The following ALK variants were observed in gnomAD, a reference collection of about 807,000 sequenced individuals.
The protein encoded by ALK is ALK receptor tyrosine kinase.
Under a neutral mutation model 163.1 loss-of-function variants are expected in ALK, and 74 were observed. The ratio of observed to expected loss-of-function variants is 0.45; its 90% confidence interval spans 0.38 to 0.55. ALK has a LOEUF of 0.55. Among genes scored for constraint, ALK ranks in the 20% least tolerant of loss-of-function variants. The pLI, the probability that ALK is intolerant of heterozygous loss-of-function variation, is 0.00. For missense variants in ALK, 2,063 were observed against 2,105.3 expected, an observed-to-expected ratio of 0.98 and a Z score of 0.39; for synonymous variants, 960 against 843.2, an observed-to-expected ratio of 1.14 and a Z score of -2.40.
At chr2:29,229,707 G>A (rs963195923) in intron 15 of ALK, among the ~76,000 whole-genome samples, 1 of 152,154 alleles carries the variant, frequency 6.6e-6, no homozygotes, top group African/African-American at 2.4e-5. Context: ...GTGAGTGTAC[G>A]AAATGCTCCA....
chr2:29,480,484 G>A (rs947001664), intron 4 of ALK, among the ~76,000 whole-genome samples: 1 of 152,130 alleles, frequency 6.6e-6, no homozygotes, highest in African/African-American at 2.4e-5. Flanking sequence ...AATCTTTTCA[G>A]AGTTTGCTGA....
At chr2:29,202,281 G>A (rs992529632) in intron 26 of ALK, among the ~76,000 whole-genome samples, 2 of 151,948 alleles carry the variant, frequency 1.3e-5, no homozygotes, top group Admixed American at 6.6e-5. Context: ...GCTTCCCCCC[G>A]CCCACCTTTG....
intron 28 of ALK, among the ~76,000 whole-genome samples, chr2:29,195,035 T>G (rs1558604972): frequency 6.6e-6 from 1 of 152,210 alleles, no homozygotes; most frequent in Admixed American, 6.5e-5. Flanking sequence ...CCTCATTACC[T>G]GAGTAACAGA....
At position 29,780,141 on chromosome 2, in the gene ALK, T is replaced by C. The variant is rs116503062; in HGVS notation, c.668-62444A>G. Among the ~76,000 whole-genome samples, 446 of 152,350 alleles carry C rather than the reference T, an allele frequency of 2.9e-3. 4 individuals are homozygous for C. Among genetic ancestry groups the C allele is most frequent in the African/African-American group, 9.0e-3 (374 of 41,596 alleles). On this transcript the variant is annotated intron_variant, in intron 1 of 28. Coordinates refer to ENST00000389048, the MANE Select transcript of ALK (RefSeq NM_004304.5). ...CAATCGACCTGCAGTCAATAGTGTC[T>C]ACACACTGCATTCATCTTGAAAACA...
At chr2:29,402,815 C>T (rs897115436) in intron 4 of ALK, among the ~76,000 whole-genome samples, 4 of 152,150 alleles carry the variant, frequency 2.6e-5, no homozygotes, top group Non-Finnish European at 2.9e-5. Context: ...AGGGTTCTCT[C>T]GCCAAGCAGC....
At chr2:29,421,155 G>C (rs1670006550) in intron 4 of ALK, among the ~76,000 whole-genome samples, 1 of 151,504 alleles carries the variant, frequency 6.6e-6, no homozygotes, top group African/African-American at 2.4e-5. Flanking sequence ...ATCCTCTGCT[G>C]GTACTGGAAG....
intron 4 of ALK, among the ~76,000 whole-genome samples, chr2:29,507,626 T>C (rs4433956): frequency 0.68 from 104,088 of 152,086 alleles, 36,793 homozygotes; most frequent in South Asian, 0.79. Flanking sequence ...AGGAGCAGGG[T>C]TTGACTAAAA....
chr2:29,208,003 C>T (rs761700815), intron 25 of ALK: 4 of 441,594 alleles, frequency 9.1e-6, no homozygotes, highest in South Asian at 6.3e-5. Flanking sequence ...TAATTAATTA[C>T]CTCAATAAAT....
chr2:29,782,701 A>G, intron 1 of ALK, among the ~76,000 whole-genome samples: 1 of 152,182 alleles, frequency 6.6e-6, no homozygotes, highest in East Asian at 1.9e-4. Flanking sequence ...AGCAGTAACC[A>G]TTTCGAGCAG....
intron 1 of ALK, among the ~76,000 whole-genome samples, chr2:29,752,120 A>G (rs1680380636): frequency 6.6e-6 from 1 of 152,152 alleles, no homozygotes; most frequent in Non-Finnish European, 1.5e-5. Flanking sequence ...TGATCTTCTG[A>G]CTTTATGATG....
intron 26 of ALK, among the ~76,000 whole-genome samples, chr2:29,200,775 A>ATATACATACG (rs1176147181): frequency 1.1e-3 from 127 of 118,014 alleles, no homozygotes; most frequent in South Asian, 2.9e-3. Context: ...ATATATACGT[A>ATATACATACG]TATATATGTA....
chr2:29,239,319 A>G (rs1664460705), intron 13 of ALK, among the ~76,000 whole-genome samples: 1 of 152,084 alleles, frequency 6.6e-6, no homozygotes, highest in Admixed American at 6.5e-5. Flanking sequence ...GTTTCTGGAG[A>G]AGGAGCTGGG....
chr2:29,241,973 T>C (rs1664537068), intron 12 of ALK, among the ~76,000 whole-genome samples: 1 of 152,162 alleles, frequency 6.6e-6, no homozygotes, highest in South Asian at 2.1e-4. Flanking sequence ...GAGAGGGGTC[T>C]GAGAAGCTAT....
chr2:29,487,320 A>G (rs574241867), intron 4 of ALK, among the ~76,000 whole-genome samples: 4 of 152,288 alleles, frequency 2.6e-5, no homozygotes, highest in African/African-American at 9.6e-5. Context: ...AGGTGGGAGA[A>G]CAGTGTGAAA....
rs147220964 is a variant in ALK, at chr2:29,646,618, A to G, written c.952+48232T>C. On this transcript the variant is annotated intron_variant, in intron 3 of 28. Transcript: ENST00000389048. ...TCCTGCCTTACTCTGCTCTAGCCAC[A>G]TGGTCGTCTTGCCATCCCTGAATAT... Among the ~76,000 whole-genome samples the G allele has an allele frequency of 3.6e-3, 553 of 152,106 alleles. 3 individuals are homozygous for G. The highest frequency in any genetic ancestry group is 0.013 in the African/African-American group (523 of 41,494).
intron 5 of ALK, among the ~76,000 whole-genome samples, chr2:29,340,858 T>C (rs1321565324): frequency 1.3e-5 from 2 of 152,190 alleles, no homozygotes; most frequent in East Asian, 3.9e-4. Flanking sequence ...TGGCCTCTAA[T>C]CCAAATCACA....
At chr2:29,498,920 T>C (rs969615632) in intron 4 of ALK, among the ~76,000 whole-genome samples, 4 of 152,100 alleles carry the variant, frequency 2.6e-5, no homozygotes, top group Admixed American at 1.3e-4. Flanking sequence ...GAGTATAGCA[T>C]TTGGAAGCTA....
At chr2:29,861,530 G>C (rs1399474971) in intron 1 of ALK, among the ~76,000 whole-genome samples, 1 of 151,982 alleles carries the variant, frequency 6.6e-6, no homozygotes, top group Non-Finnish European at 1.5e-5. Flanking sequence ...GAATAATCTA[G>C]GAAAAATGGA....
At chr2:29,437,493 G>C (rs1323949509) in intron 4 of ALK, among the ~76,000 whole-genome samples, 1 of 152,174 alleles carries the variant, frequency 6.6e-6, no homozygotes, top group Non-Finnish European at 1.5e-5. Context: ...TCTAAGTACA[G>C]ACAAAGATAA....
Sources: gnomAD v4.1 joint callset for allele counts (sites outside exome capture counted in the v4.1 genomes callset) on GRCh38, gnomAD v4.1.1 for gene constraint, MANE v1.5 for transcripts, NCBI Gene and HGNC (gene_info 2026-07-23, HGNC 2026-07-21) for gene names.